PHF12: variants seen among roughly 807,000 people sequenced by gnomAD.
PHF12 encodes PHD factor 1.
In PHF12, 6 loss-of-function variants were observed where a neutral mutation model predicts 99.8. The observed-to-expected ratio is 0.06, with a 90% CI of 0.03 to 0.12. PHF12 has a LOEUF of 0.12. Ranked by LOEUF, PHF12 falls within the 10% of genes least tolerant of loss-of-function variation. The pLI, the probability that PHF12 is intolerant of heterozygous loss-of-function variation, is 1.00. For synonymous variants in PHF12, 480 were observed against 514.9 expected (o/e 0.93, Z 0.92); for missense variants, 954 against 1,300.1 (o/e 0.73, Z 4.09).
intron 2 of PHF12, among the ~76,000 whole-genome samples, chr17:28,932,837 T>C (rs2040438451): frequency 6.6e-6 from 1 of 152,182 alleles, no homozygotes; most frequent in African/African-American, 2.4e-5. Flanking sequence ...TCCCAGCTAC[T>C]GGGGAAGCTG....
chr17:28,913,030 G>T lies in PHF12; in HGVS notation c.1541C>A (p.Ser514Tyr). ...GCAGCCGATGTCCTCTAGGGCTGGG[G>T]ACTGGTGGGGTGGAGAGCAGCTCAG... ...NSLSCSPPHQ[S>Y]PALEDIGCSS... The change falls in exon 9 of 15, where the codon TCC (serine) becomes TAC (tyrosine). Residue 514 changes from serine (S) to tyrosine (Y), a missense_variant. Ser to Tyr is a moderately radical substitution (Grantham distance 144). Transcript: ENST00000332830. The T allele has an allele frequency of 6.2e-7, 1 of 1,614,210 alleles. No homozygotes were observed. Among genetic ancestry groups the T allele is most frequent in the Non-Finnish European group, 8.5e-7 (1 of 1,180,032 alleles).
In PHF12 at chr17:28,909,149, C is replaced by T. The variant is rs2039917818; in HGVS notation, c.2360-268G>A. On this transcript the variant is annotated intron_variant, in intron 11 of 14. Transcript: ENST00000332830. ...ACAGTACTGTGTAAGTTCCTGGGCT[C>T]CTGGCTGGCTAATCCGGGATATTCC... is the stretch of plus-strand genomic sequence containing the variant. 4.3e-5 allele frequency: 18 copies of T among 415,728 alleles called. No homozygotes were observed. The South Asian group carries it at 5.8e-4, about 13-fold the overall frequency. 25.8% of individuals were successfully genotyped at this position (415,728 alleles called of 1,614,324 possible).
Position 28,907,462 on chromosome 17 carries a change from A to C in PHF12, c.2541+128T>G. The C allele has an allele frequency of 4.7e-6, 4 of 842,322 alleles. No individual in the cohort carries two copies. The South Asian group carries it at 6.6e-5, about 14-fold the overall frequency. 52.2% of individuals were successfully genotyped at this position (842,322 alleles called of 1,614,324 possible). On this transcript the variant is annotated intron_variant, in intron 13 of 14. Transcript: ENST00000332830. ...AAGACTCTCCTCCTCCAGGAATGACAGGGAGGGAAGAAAAAGAGAGGACCC... is the reference window on the plus strand; with the variant it reads ...AAGACTCTCCTCCTCCAGGAATGACCGGGAGGGAAGAAAAAGAGAGGACCC...
intron 2 of PHF12, among the ~76,000 whole-genome samples, chr17:28,935,646 C>T (rs533911019): frequency 3.3e-5 from 5 of 152,162 alleles, no homozygotes; most frequent in Non-Finnish European, 7.3e-5. Flanking sequence ...AACAGTAAAG[C>T]CCTAAATCTT....
At chr17:28,930,174 T>C (rs2040369564) in intron 2 of PHF12, among the ~76,000 whole-genome samples, 1 of 152,186 alleles carries the variant, frequency 6.6e-6, no homozygotes, top group African/African-American at 2.4e-5. Flanking sequence ...CCAGGGCTGC[T>C]ACCCACAACT....
intron 4 of PHF12, among the ~76,000 whole-genome samples, chr17:28,923,651 C>CAAAAAAAAAAATAAAAAAAAA (rs1491183033): frequency 4.6e-5 from 1 of 21,958 alleles, no homozygotes; most frequent in Non-Finnish European, 7.6e-5. Context: ...AAGTGAGACT[C>CAAAAAAAAAAATAAAAAAAAA]ACAAAAAAAA....
intron 2 of PHF12, among the ~76,000 whole-genome samples, chr17:28,938,211 C>T (rs1485532985): frequency 6.6e-6 from 1 of 152,104 alleles, no homozygotes; most frequent in African/African-American, 2.4e-5. Context: ...ATTTAAAACC[C>T]AACAAAATCA....
rs1262326719 is a variant in PHF12 at position 28,906,883 on chromosome 17, T to C, written c.2653A>G (p.Ile885Val). The part of the protein sequence containing the change: ...EKTPPTPPSS[I>V]VAKVQSVIRR... ...ATGACACTCTGCACTTTGGCAACAA[T>C]ACTGCTTGGGGGGGTTGGCGGGGTC... is the stretch of plus-strand genomic sequence containing the variant. Residue 885 changes from isoleucine (I) to valine (V), a missense_variant, in exon 14 of 15, where the codon ATT (isoleucine) becomes GTT (valine). By Grantham distance (29) the Ile-to-Val change is conservative. This residue lies in a region of PHF12 where 136 missense variants were observed against 172.3 expected (regional missense o/e 0.79). Transcript: ENST00000332830. This position sits in a 1 kb window ranked among gnomAD's most constrained non-coding sequence, Gnocchi z 4.2. 6.2e-7 allele frequency: 1 copy of C among 1,609,926 alleles called. No homozygotes were observed. Among genetic ancestry groups the C allele is most frequent in the Non-Finnish European group, 8.5e-7 (1 of 1,178,174 alleles).
chr17:28,929,426 G>A (rs764772414), intron 2 of PHF12, among the ~76,000 whole-genome samples: 16 of 151,894 alleles, frequency 1.1e-4, no homozygotes, highest in Admixed American at 2.6e-4. Flanking sequence ...AGTATTTTTA[G>A]TAGAGATGGG....
chr17:28,936,344 A>G (rs1225554403), intron 2 of PHF12, among the ~76,000 whole-genome samples: 1 of 152,194 alleles, frequency 6.6e-6, no homozygotes, highest in Non-Finnish European at 1.5e-5. Context: ...TAAGAGAACA[A>G]AGGGAAGAGG....
At position 28,951,243 on chromosome 17, in the gene PHF12, T is replaced by A. The variant is rs1212472880; in HGVS notation, c.-283A>T. ...GGGGTCAGGCCTCGGCGGGGCCTAG[T>A]CCCACAGGCTAAAGCCGGCACTGGC... is the stretch of plus-strand genomic sequence containing the variant. On this transcript the variant is annotated 5_prime_UTR_variant, in exon 1 of 15. Coordinates refer to ENST00000332830, the MANE Select transcript of PHF12 (RefSeq NM_001033561.2). The A allele has an allele frequency of 7.7e-6, 10 of 1,292,562 alleles. No individual in the cohort carries two copies. The highest frequency in any genetic ancestry group is 1.6e-5 in the African/African-American group (1 of 63,636). 80.1% of individuals were successfully genotyped at this position (1,292,562 alleles called of 1,614,324 possible).
chr17:28,908,723 G>A (rs1359796510), intron 12 of PHF12, 60 bp downstream of exon 12: 35 of 1,534,454 alleles, frequency 2.3e-5, no homozygotes, highest in Non-Finnish European at 3.1e-5. Flanking sequence ...TGTGGGTAAG[G>A]GTGTCAGTCT....
At chr17:28,923,857 G>T in intron 4 of PHF12, 52 bp downstream of exon 4, 2 of 1,548,802 alleles carry the variant, frequency 1.3e-6, no homozygotes, top group Non-Finnish European at 1.7e-6. Context: ...TCTTGTGCTG[G>T]TCCTTTGGGG....
chr17:28,951,272 A>G lies in PHF12; in HGVS notation c.-312T>C, dbSNP rs1199024986. On this transcript the variant is annotated 5_prime_UTR_variant, in exon 1 of 15. Transcript: ENST00000332830. ...ACAGGCTAAAGCCGGCACTGGCGACAGCCGGTCCGGCCGGGAAGGCTGGCG... is the reference window on the plus strand; with the variant it reads ...ACAGGCTAAAGCCGGCACTGGCGACGGCCGGTCCGGCCGGGAAGGCTGGCG... The G allele has an allele frequency of 1.7e-6, 2 of 1,168,134 alleles. No homozygotes were observed. The highest frequency in any genetic ancestry group is 2.5e-5 in the South Asian group (1 of 40,058). The allele number at this position is 1,168,134 out of a possible 1,614,324, so 72.4% of individuals were successfully genotyped here.
At chr17:28,934,164 G>A (rs2040464803) in intron 2 of PHF12, among the ~76,000 whole-genome samples, 1 of 152,200 alleles carries the variant, frequency 6.6e-6, no homozygotes, top group African/African-American at 2.4e-5. Flanking sequence ...CATGGTTCTT[G>A]ATTTTAGGGA....
rs1004787753 is a variant in PHF12 at position 28,951,231 on chromosome 17, G to A, written c.-271C>T. 2 of 1,336,996 alleles carry A rather than the reference G, an allele frequency of 1.5e-6. No homozygotes were observed. The allele number at this position is 1,336,996 out of a possible 1,614,324, so 82.8% of individuals were successfully genotyped here. On this transcript the variant is annotated 5_prime_UTR_variant, in exon 1 of 15. Transcript: ENST00000332830. Reference sequence around the variant, plus strand: ...GTCCCGGCTCCGGGGGTCAGGCCTCGGCGGGGCCTAGTCCCACAGGCTAAA... The same window carrying A: ...GTCCCGGCTCCGGGGGTCAGGCCTCAGCGGGGCCTAGTCCCACAGGCTAAA...
At chr17:28,945,906 C>T (rs1452111570) in intron 2 of PHF12, among the ~76,000 whole-genome samples, 3 of 152,082 alleles carry the variant, frequency 2.0e-5, no homozygotes, top group East Asian at 1.9e-4. Context: ...GAGGCCGAGG[C>T]GGGTGGATCA....
intron 3 of PHF12, 51 bp downstream of exon 3, chr17:28,926,940 A>C: frequency 6.2e-7 from 1 of 1,609,342 alleles, no homozygotes; most frequent in Non-Finnish European, 8.5e-7. Flanking sequence ...CTAGCATATC[A>C]GTGCTCTGGA....
At chr17:28,933,128 G>A (rs2040445296) in intron 2 of PHF12, among the ~76,000 whole-genome samples, 1 of 152,112 alleles carries the variant, frequency 6.6e-6, no homozygotes, top group Admixed American at 6.5e-5. Flanking sequence ...CCTGGAGGCC[G>A]TCCTTTATAA....
Sources: gnomAD v4.1 joint callset for allele counts (sites outside exome capture counted in the v4.1 genomes callset) on GRCh38, gnomAD v4.1.1 for gene constraint, gnomAD v4.1.1 regional missense constraint, Gnocchi (gnomAD v3.1) non-coding constraint, MANE v1.5 for transcripts, NCBI Gene and HGNC (gene_info 2026-07-23, HGNC 2026-07-21) for gene names.